The following KIAA1217 variants were observed in gnomAD, a reference collection of about 807,000 sequenced individuals.
The protein encoded by KIAA1217 is KIAA1217.
KIAA1217 carries 88 observed loss-of-function variants against 163.9 expected under a neutral mutation model. The ratio of observed to expected loss-of-function variants is 0.54; its 90% CI spans 0.45 to 0.64. The LOEUF (loss-of-function observed/expected upper bound fraction) is 0.64. Among genes scored for constraint, KIAA1217 ranks in the 30% least tolerant of loss-of-function variants. The probability of loss-of-function intolerance (pLI) is 0.00; values close to 1 mark genes in which losing one functional copy is unlikely to be tolerated. For missense variants in KIAA1217, 2,372 were observed against 2,475.0 expected, an observed-to-expected ratio of 0.96 and a Z score of 0.88; for synonymous variants, 903 against 923.1, an observed-to-expected ratio of 0.98 and a Z score of 0.39.
At chr10:23,837,733 G>A (rs1013556487) in intron 1 of KIAA1217, among the ~76,000 whole-genome samples, 3 of 151,956 alleles carry the variant, frequency 2.0e-5, no homozygotes, top group African/African-American at 7.3e-5. Context: ...TAGAGATGGG[G>A]TCTCACTGTG....
chr10:23,952,340 C>T (rs7923467), intron 1 of KIAA1217, among the ~76,000 whole-genome samples: 55,393 of 152,032 alleles, frequency 0.36, 11,184 homozygotes, highest in African/African-American at 0.54. Context: ...GTGTTCTGGA[C>T]TTTGCTGTCT....
intron 1 of KIAA1217, among the ~76,000 whole-genome samples, chr10:23,731,452 C>T (rs1428662707): frequency 6.6e-6 from 1 of 152,100 alleles, no homozygotes; most frequent in East Asian, 1.9e-4. Context: ...TGTGGACTGA[C>T]CAGGAGCGCT....
At chr10:24,211,729 C>T (rs749666333) in intron 1 of KIAA1217, among the ~76,000 whole-genome samples, 1 of 151,738 alleles carries the variant, frequency 6.6e-6, no homozygotes, top group African/African-American at 2.4e-5. Flanking sequence ...GCAGGGAGGC[C>T]TTTAGGAAGC....
intron 2 of KIAA1217, among the ~76,000 whole-genome samples, chr10:24,133,342 C>G (rs997689318): frequency 4.6e-5 from 7 of 151,998 alleles, no homozygotes; most frequent in African/African-American, 1.7e-4. Context: ...GAGGCTGAGA[C>G]GGGTGGATCA....
At chr10:24,203,033 A>G (rs1589885760) in intron 2 of KIAA1217, among the ~76,000 whole-genome samples, 2 of 152,200 alleles carry the variant, frequency 1.3e-5, no homozygotes, top group South Asian at 4.2e-4. Flanking sequence ...CTACAAAAAA[A>G]TATAAAATTA....
At chr10:24,511,459 A>G (rs1056809353) in intron 9 of KIAA1217, among the ~76,000 whole-genome samples, 1 of 152,122 alleles carries the variant, frequency 6.6e-6, no homozygotes, top group African/African-American at 2.4e-5. Context: ...CCTGATGATC[A>G]TGGAGAAACC....
At chr10:24,192,494 C>T (rs1358311298) in intron 2 of KIAA1217, among the ~76,000 whole-genome samples, 1 of 152,186 alleles carries the variant, frequency 6.6e-6, no homozygotes, top group East Asian at 1.9e-4. Flanking sequence ...TCATTGCGAC[C>T]TTGTTTTCCA....
rs368506018 is a variant in KIAA1217 at position 24,314,805 on chromosome 10, G to A, written c.355-66064G>A. On this transcript the variant is annotated intron_variant, in intron 2 of 20. Coordinates refer to ENST00000376454, the MANE Select transcript of KIAA1217 (RefSeq NM_019590.5). ...AAAATACAAAAAAAATCAGCCGGGC[G>A]TGGTGGCAGGCCCCTGTAGTCCCAG... is the stretch of plus-strand genomic sequence containing the variant. 2.1e-3 allele frequency among the ~76,000 whole-genome samples: 313 copies of A among 152,164 alleles called. 3 individuals carry two copies. Among genetic ancestry groups the A allele is most frequent in the Non-Finnish European group, 2.1e-3 (146 of 68,020 alleles).
intron 2 of KIAA1217, among the ~76,000 whole-genome samples, chr10:24,073,768 G>A (rs2131634887): frequency 6.6e-6 from 1 of 152,268 alleles, no homozygotes; most frequent in South Asian, 2.1e-4. Flanking sequence ...ACTTCATGGA[G>A]GGAACTTCAA....
At chr10:23,852,402 G>A (rs573941271) in intron 1 of KIAA1217, among the ~76,000 whole-genome samples, 13 of 152,258 alleles carry the variant, frequency 8.5e-5, no homozygotes, top group African/African-American at 2.4e-4. Context: ...GTACCATGCC[G>A]TTTTGGTTAC....
intron 2 of KIAA1217, among the ~76,000 whole-genome samples, chr10:24,308,180 C>T (rs1182545073): frequency 1.3e-5 from 2 of 152,208 alleles, no homozygotes; most frequent in African/African-American, 4.8e-5. Context: ...CTCTCAGCTC[C>T]TCTTTCCCAT....
chr10:24,096,570 G>A (rs765236093), intron 2 of KIAA1217, among the ~76,000 whole-genome samples: 3 of 152,084 alleles, frequency 2.0e-5, no homozygotes, highest in Non-Finnish European at 4.4e-5. Flanking sequence ...GGCTCTGCAG[G>A]GTCTGGCCCC....
chr10:23,951,446 G>T (rs577567681), intron 1 of KIAA1217, among the ~76,000 whole-genome samples: 20 of 152,164 alleles, frequency 1.3e-4, no homozygotes, highest in Non-Finnish European at 2.6e-4. Context: ...TTGAGCCCAG[G>T]AGATTGAGAC....
chr10:23,868,152 A>G (rs1237562685), intron 1 of KIAA1217, among the ~76,000 whole-genome samples: 1 of 151,996 alleles, frequency 6.6e-6, no homozygotes, highest in Non-Finnish European at 1.5e-5. Context: ...ACATTTCTAC[A>G]TGGTTCTTCA....
intron 13 of KIAA1217, among the ~76,000 whole-genome samples, 156 bp from the exon 14 acceptor site, chr10:24,527,780 A>C (rs1224322903): frequency 2.0e-5 from 3 of 152,298 alleles, no homozygotes; most frequent in East Asian, 3.9e-4. Flanking sequence ...TTTGTTGTGC[A>C]GATTATTTCA....
intron 1 of KIAA1217, among the ~76,000 whole-genome samples, chr10:23,787,859 G>A (rs1564419105): frequency 6.6e-6 from 1 of 151,826 alleles, no homozygotes; most frequent in Non-Finnish European, 1.5e-5. Context: ...TTGTTACCTT[G>A]TGTTTAGTGT....
chr10:23,798,842 A>T (rs1384923310), intron 1 of KIAA1217, among the ~76,000 whole-genome samples: 1 of 152,198 alleles, frequency 6.6e-6, no homozygotes, highest in South Asian at 2.1e-4. Context: ...AGGATGAGAG[A>T]TGGTGCCAGA....
At chr10:24,038,140 G>A (rs1848476269) in intron 2 of KIAA1217, among the ~76,000 whole-genome samples, 2 of 152,068 alleles carry the variant, frequency 1.3e-5, no homozygotes, top group South Asian at 4.1e-4. Context: ...TTCTTTCTTT[G>A]GTTTAAAATG....
At chr10:23,756,434 A>C (rs1833922978) in intron 1 of KIAA1217, among the ~76,000 whole-genome samples, 1 of 152,164 alleles carries the variant, frequency 6.6e-6, no homozygotes, top group African/African-American at 2.4e-5. Context: ...ATTCATTTTT[A>C]TTTTTATTAA....
Sources: gnomAD v4.1 joint callset for allele counts (sites outside exome capture counted in the v4.1 genomes callset) on GRCh38, gnomAD v4.1.1 for gene constraint, MANE v1.5 for transcripts, NCBI Gene and HGNC (gene_info 2026-07-23, HGNC 2026-07-21) for gene names.